Variants in CCDC149 observed in about 807,000 individuals in gnomAD.
CCDC149 encodes the protein coiled-coil domain-containing protein 149.
Under a neutral mutation model 59.9 loss-of-function variants are expected in CCDC149, and 45 were observed. The observed-to-expected ratio is 0.75, with a 90% CI of 0.59 to 0.96. The LOEUF (loss-of-function observed/expected upper bound fraction) is 0.96. CCDC149 is among the 40% of genes least tolerant of loss of function. CCDC149 has a pLI of 0.00. For missense variants in CCDC149, 584 were observed against 664.7 expected, an observed-to-expected ratio of 0.88 and a Z score of 1.33; for synonymous variants, 245 against 260.6, an observed-to-expected ratio of 0.94 and a Z score of 0.58.
intron 1 of CCDC149, among the ~76,000 whole-genome samples, chr4:24,877,374 T>C (rs896359499): frequency 6.6e-6 from 1 of 152,034 alleles, no homozygotes; most frequent in South Asian, 2.1e-4. Context: ...TTAGTAGAGA[T>C]GGTCAGGCTC....
intron 1 of CCDC149, among the ~76,000 whole-genome samples, chr4:24,975,669 C>T (rs1249804216): frequency 6.6e-6 from 1 of 151,668 alleles, no homozygotes; most frequent in Non-Finnish European, 1.5e-5. Context: ...CTGAACCAGT[C>T]ACTGTGCACT....
intron 3 of CCDC149, among the ~76,000 whole-genome samples, chr4:24,855,829 A>C (rs1303744852): frequency 6.6e-6 from 1 of 152,248 alleles, no homozygotes; most frequent in African/African-American, 2.4e-5. Context: ...GTAGGAAAGC[A>C]AAGAAACATG....
At chr4:24,895,047 A>T (rs1720760569) in intron 1 of CCDC149, 6 of 1,529,948 alleles carry the variant, frequency 3.9e-6, no homozygotes. Flanking sequence ...GACGACGATG[A>T]CGACCATGAT....
chr4:24,914,101 G>A (rs1268668140), upstream of CCDC149, among the ~76,000 whole-genome samples: 3 of 152,196 alleles, frequency 2.0e-5, no homozygotes, highest in African/African-American at 7.2e-5. Flanking sequence ...GATCAACCCT[G>A]TGAAATGGAT....
At position 24,884,770 on chromosome 4, in the gene CCDC149, G is replaced by A. The variant is rs573629854; in HGVS notation, c.64-8073C>T. ...TTCGGAGGGTTGGTATGAGAATTAA[G>A]AGTTAGTATATGTAAAACATTTAAA... On this transcript the variant is annotated intron_variant, in intron 1 of 12. Coordinates refer to ENST00000635206, the MANE Select transcript of CCDC149 (RefSeq NM_001330643.2). 1.2e-4 allele frequency among the ~76,000 whole-genome samples: 18 copies of A among 152,328 alleles called. No homozygotes were observed. The East Asian group carries it at 3.5e-3, about 29-fold the overall frequency.
At chr4:24,963,108 C>T (rs1428313145) in intron 1 of CCDC149, among the ~76,000 whole-genome samples, 1 of 152,022 alleles carries the variant, frequency 6.6e-6, no homozygotes, top group African/African-American at 2.4e-5. Flanking sequence ...ACAAAAACAC[C>T]CACAATCAAG....
intron 1 of CCDC149, among the ~76,000 whole-genome samples, chr4:24,931,832 T>TATATATGTATATATATATATATATATAC: frequency 9.9e-6 from 1 of 100,886 alleles, no homozygotes; most frequent in Non-Finnish European, 2.1e-5. Flanking sequence ...AGAGTATGTA[T>TATATATGTATATATATATATATATATAC]ATATATATAT....
chr4:24,875,755 C>T (rs1719377065), intron 2 of CCDC149, among the ~76,000 whole-genome samples: 1 of 152,128 alleles, frequency 6.6e-6, no homozygotes, highest in Non-Finnish European at 1.5e-5. Context: ...TCCTATTTTA[C>T]TTAATTCTAA....
chr4:24,833,066 G>A (rs991784048), intron 8 of CCDC149, among the ~76,000 whole-genome samples: 5 of 151,864 alleles, frequency 3.3e-5, no homozygotes, highest in Admixed American at 6.6e-5. Flanking sequence ...TTCTGACACC[G>A]AGTGGCTGTT....
At chr4:24,970,759 C>T (rs1723943134) in intron 1 of CCDC149, among the ~76,000 whole-genome samples, 1 of 152,088 alleles carries the variant, frequency 6.6e-6, no homozygotes, top group African/African-American at 2.4e-5. Flanking sequence ...ATGTACCTGG[C>T]ACTGTTCTCC....
At chr4:24,956,801 G>A (rs747292155) in intron 1 of CCDC149, among the ~76,000 whole-genome samples, 12 of 152,156 alleles carry the variant, frequency 7.9e-5, no homozygotes, top group African/African-American at 2.4e-4. Context: ...GAAACTTGGC[G>A]GGTCTCTTTG....
intron 1 of CCDC149, among the ~76,000 whole-genome samples, chr4:24,910,112 A>C (rs1345589829): frequency 6.6e-6 from 1 of 152,182 alleles, no homozygotes; most frequent in African/African-American, 2.4e-5. Context: ...GGGGACTTTG[A>C]GGGAGAATCT....
chr4:24,927,553 T>C (rs1180752071), intron 1 of CCDC149, among the ~76,000 whole-genome samples: 3 of 152,228 alleles, frequency 2.0e-5, no homozygotes, highest in Non-Finnish European at 4.4e-5. Flanking sequence ...TAAAAATAGT[T>C]GTAACGTTGA....
At chr4:24,934,116 G>A (rs1199005727) in intron 1 of CCDC149, among the ~76,000 whole-genome samples, 1 of 152,122 alleles carries the variant, frequency 6.6e-6, no homozygotes, top group Non-Finnish European at 1.5e-5. Flanking sequence ...CCTCTTAAAG[G>A]CTAATCCTAG....
At chr4:24,816,460 A>G (rs1715021194) in intron 12 of CCDC149, among the ~76,000 whole-genome samples, 1 of 152,152 alleles carries the variant, frequency 6.6e-6, no homozygotes, top group Admixed American at 6.6e-5. Flanking sequence ...AAAGGTTACT[A>G]AAAATGTCAC....
rs370374516 is a variant in CCDC149, at chr4:24,856,025, A to C, written c.265-2846T>G. Among the ~76,000 whole-genome samples, 3 of 152,310 alleles carry C rather than the reference A, an allele frequency of 2.0e-5. No individual in the cohort carries two copies. The East Asian group carries it at 5.8e-4, about 29-fold the overall frequency. On this transcript the variant is annotated intron_variant, in intron 3 of 12. Transcript: ENST00000635206. The stretch of plus-strand genomic sequence containing the variant: ...ATAGTTATTTGATCTTTAAATAATG[A>C]ACAAAGAATGCCTACCACAGTGCCT...
intron 1 of CCDC149, among the ~76,000 whole-genome samples, chr4:24,906,470 T>C (rs750610698): frequency 2.0e-5 from 3 of 150,866 alleles, no homozygotes; most frequent in Non-Finnish European, 4.4e-5. Context: ...GGCACGATCT[T>C]GGCTCACTGC....
intron 3 of CCDC149, among the ~76,000 whole-genome samples, chr4:24,856,388 G>A (rs767316931): frequency 9.2e-5 from 14 of 152,160 alleles, no homozygotes; most frequent in African/African-American, 2.4e-4. Flanking sequence ...AATATATAAT[G>A]AATCCGTGTG....
At chr4:24,943,516 C>T (rs1439799467) in intron 1 of CCDC149, among the ~76,000 whole-genome samples, 1 of 152,142 alleles carries the variant, frequency 6.6e-6, no homozygotes, top group African/African-American at 2.4e-5. Context: ...GCAGGGACTT[C>T]ATGTCTAAAA....
Sources: allele counts gnomAD v4.1 joint callset (sites outside exome capture counted in the v4.1 genomes callset), GRCh38; gene constraint gnomAD v4.1.1; transcripts MANE v1.5; gene names NCBI Gene and HGNC (gene_info 2026-07-23, HGNC 2026-07-21).